The following SSBP2 variants were observed in gnomAD, a reference collection of about 807,000 sequenced individuals.
The protein encoded by SSBP2 is single stranded DNA binding protein 2.
SSBP2 carries 17 observed loss-of-function variants against 61.8 expected under a neutral mutation model. The ratio of observed to expected loss-of-function variants is 0.28; its 90% CI spans 0.19 to 0.41. SSBP2 has a LOEUF of 0.41. Ranked by LOEUF, SSBP2 falls within the 10% of genes least tolerant of loss-of-function variation. The probability of loss-of-function intolerance (pLI) is 1.00; values close to 1 mark genes in which losing one functional copy is unlikely to be tolerated. For synonymous variants in SSBP2, 139 were observed against 141.3 expected, an observed-to-expected ratio of 0.98 and a Z score of 0.12; for missense variants, 310 against 458.7, an observed-to-expected ratio of 0.68 and a Z score of 2.96.
At chr5:81,426,977 T>C (rs1761993438) in intron 16 of SSBP2, among the ~76,000 whole-genome samples, 1 of 152,242 alleles carries the variant, frequency 6.6e-6, no homozygotes, top group Non-Finnish European at 1.5e-5. Context: ...CAACATCTGT[T>C]TTTCCTATTG....
intron 15 of SSBP2, 133 bp downstream of exon 15, chr5:81,437,297 T>C: frequency 1.2e-6 from 1 of 801,044 alleles, no homozygotes; most frequent in Non-Finnish European, 2.1e-6. Flanking sequence ...TAACTTCCAA[T>C]TAATTATACC....
chr5:81,429,954 T>C (rs946440097), intron 15 of SSBP2, among the ~76,000 whole-genome samples: 1 of 152,200 alleles, frequency 6.6e-6, no homozygotes, highest in African/African-American at 2.4e-5. Flanking sequence ...TTGGGAAATA[T>C]ACTTTAATAG....
chr5:81,568,590 A>G (rs1462711012), intron 4 of SSBP2, among the ~76,000 whole-genome samples: 1 of 152,244 alleles, frequency 6.6e-6, no homozygotes, highest in Non-Finnish European at 1.5e-5. Context: ...AGTTTACTCC[A>G]AAACATATGC....
intron 1 of SSBP2, among the ~76,000 whole-genome samples, chr5:81,708,748 T>C (rs1484663162): frequency 6.6e-6 from 1 of 152,012 alleles, no homozygotes; most frequent in Non-Finnish European, 1.5e-5. Context: ...AAGCTGTCTT[T>C]TTCAGCTAAA....
At position 81,418,491 on chromosome 5, in the gene SSBP2, G is replaced by GT. The variant is rs758170264; in HGVS notation, c.*2012dup. 1 of 152,134 alleles carries GT rather than the reference G, an allele frequency of 6.6e-6. No individual in the cohort carries two copies. The highest frequency in any genetic ancestry group is 1.9e-4 in the East Asian group (1 of 5,204). 9.4% of individuals were successfully genotyped at this position (152,134 alleles called of 1,614,324 possible). A position where few individuals can be genotyped will look rare whatever the true frequency, so the allele number is the denominator to read the frequency against. ...CTAAATCATTATGAATTTGAGAGAA[G>GT]TAAGTCATCAGGAACTAGTACATAC... is the stretch of plus-strand genomic sequence containing the variant. On this transcript the variant is annotated 3_prime_UTR_variant, in exon 17 of 17. Transcript: ENST00000320672.
chr5:81,593,976 A>G (rs1743416491), intron 4 of SSBP2, among the ~76,000 whole-genome samples: 1 of 152,204 alleles, frequency 6.6e-6, no homozygotes, highest in Admixed American at 6.5e-5. Context: ...GACAGGATCA[A>G]ATTCACACAT....
At position 81,650,356 on chromosome 5, in the gene SSBP2, A is replaced by G. The variant is rs555283722; in HGVS notation, c.63-17T>C. 9.0e-5 allele frequency: 133 copies of G among 1,483,622 alleles called. No homozygotes were observed. In the East Asian group the frequency reaches 2.5e-3, roughly 28 times the overall value. The allele number at this position is 1,483,622 out of a possible 1,614,324, so 91.9% of individuals were successfully genotyped here. On this transcript the variant is annotated splice_polypyrimidine_tract_variant and intron_variant, in intron 1 of 16. Coordinates refer to ENST00000320672, the MANE Select transcript of SSBP2 (RefSeq NM_012446.5). ...AGTGCTAACCTGGAAAACAAATAAA[A>G]TATTTATTGAGAAGAGGAATATTAA... is the stretch of plus-strand genomic sequence containing the variant.
At chr5:81,636,113 G>C (rs1748203909) in intron 3 of SSBP2, among the ~76,000 whole-genome samples, 1 of 152,088 alleles carries the variant, frequency 6.6e-6, no homozygotes, top group East Asian at 1.9e-4. Context: ...TATAAGCAAA[G>C]ACACAAACAG....
chr5:81,503,233 T>C (rs912047465), intron 5 of SSBP2, among the ~76,000 whole-genome samples: 2 of 152,098 alleles, frequency 1.3e-5, no homozygotes, highest in Non-Finnish European at 2.9e-5. Context: ...GGCAGGTGGA[T>C]CATGAGGTCA....
chr5:81,569,257 T>C (rs1262308059), intron 4 of SSBP2, among the ~76,000 whole-genome samples: 6 of 152,152 alleles, frequency 3.9e-5, no homozygotes, highest in African/African-American at 1.4e-4. Context: ...ACCACCACAA[T>C]CAAGACATAA....
intron 1 of SSBP2, among the ~76,000 whole-genome samples, chr5:81,736,288 C>T (rs1362572466): frequency 6.6e-6 from 1 of 152,154 alleles, no homozygotes; most frequent in African/African-American, 2.4e-5. Context: ...GCCCTGTTTG[C>T]TTTTCTGGCA....
At position 81,473,331 on chromosome 5, in the gene SSBP2, C is replaced by T. The variant is rs191296273; in HGVS notation, c.570+369G>A. On this transcript the variant is annotated intron_variant, in intron 8 of 16. Transcript: ENST00000320672. ...GGTATATGTACGCCATGGTAGTTTG[C>T]GGCACCTATTAACCTGTCATCTAGG... Among the ~76,000 whole-genome samples the T allele has an allele frequency of 2.0e-3, 310 of 152,186 alleles. 1 individual carries two copies. The highest frequency in any genetic ancestry group is 2.7e-3 in the Non-Finnish European group (184 of 68,004).
intron 1 of SSBP2, among the ~76,000 whole-genome samples, chr5:81,676,559 A>G (rs1229759888): frequency 1.3e-5 from 2 of 152,140 alleles, no homozygotes; most frequent in Admixed American, 1.3e-4. Context: ...TTCACAGCTA[A>G]TTACCTTTCC....
At chr5:81,549,191 T>C (rs1771983711) in intron 4 of SSBP2, among the ~76,000 whole-genome samples, 1 of 152,200 alleles carries the variant, frequency 6.6e-6, no homozygotes, top group Non-Finnish European at 1.5e-5. Context: ...GTTCAATCAC[T>C]ACCACACCTT....
intron 4 of SSBP2, among the ~76,000 whole-genome samples, chr5:81,581,029 G>C (rs1399474786): frequency 2.6e-5 from 4 of 152,146 alleles, no homozygotes; most frequent in Admixed American, 2.6e-4. Flanking sequence ...AAGAATCCAA[G>C]AGAAAGTTAC....
rs115012320 is a variant in SSBP2, at chr5:81,485,059, T to C, written c.432+4191A>G. 9.3e-3 allele frequency among the ~76,000 whole-genome samples: 1,411 copies of C among 152,234 alleles called. 30 individuals carry two copies. Among genetic ancestry groups the C allele is most frequent in the African/African-American group, 0.032 (1,349 of 41,552 alleles). ...GGCTGTCTTGATTTCCTCAAGATAG[T>C]GTTGAATGAATACTGTGAATTTTTC... On this transcript the variant is annotated intron_variant, in intron 6 of 16. Transcript: ENST00000320672.
At chr5:81,647,734 A>G (rs545375386) in intron 2 of SSBP2, among the ~76,000 whole-genome samples, 1 of 152,290 alleles carries the variant, frequency 6.6e-6, no homozygotes, top group African/African-American at 2.4e-5. Flanking sequence ...ATGCAGCCAG[A>G]GAAAATGAAA....
intron 1 of SSBP2, among the ~76,000 whole-genome samples, chr5:81,693,138 A>G (rs1013708866): frequency 1.4e-5 from 2 of 147,852 alleles, no homozygotes; most frequent in Admixed American, 6.8e-5. Context: ...CTGGAGGCAG[A>G]GGTTGCAGCG....
chr5:81,425,117 G>A (rs906147183), intron 16 of SSBP2, among the ~76,000 whole-genome samples: 39 of 152,258 alleles, frequency 2.6e-4, no homozygotes, highest in African/African-American at 9.1e-4. Flanking sequence ...GAGATAGCAC[G>A]CCTTGCTATG....
Sources: gnomAD v4.1 joint callset for allele counts (sites outside exome capture counted in the v4.1 genomes callset) on GRCh38, gnomAD v4.1.1 for gene constraint, MANE v1.5 for transcripts, NCBI Gene and HGNC (gene_info 2026-07-23, HGNC 2026-07-21) for gene names.